The following XK variants were observed in gnomAD, a reference collection of about 807,000 sequenced individuals.
XK encodes the protein endoplasmic reticulum membrane adapter protein XK.
A neutral mutation model predicts 14.0 loss-of-function variants in XK; 2 were observed. The ratio of observed to expected loss-of-function variants is 0.14; its 90% confidence interval spans 0.06 to 0.45. The LOEUF (loss-of-function observed/expected upper bound fraction) is 0.45, where lower values mean the gene tolerates loss of function less well. Ranked by LOEUF, XK falls within the 20% of genes least tolerant of loss-of-function variation. XK has a pLI of 0.98. For synonymous variants in XK, 149 were observed against 147.5 expected (o/e 1.01, Z -0.08); for missense variants, 235 against 341.5 (o/e 0.69, Z 2.46).
At chrX:37,690,613 C>T (rs1301075811) in intron 1 of XK, among the ~76,000 whole-genome samples, 1 of 111,709 alleles carries the variant, frequency 9.0e-6, no homozygotes, top group Non-Finnish European at 1.9e-5. Flanking sequence ...GGCCTAATAC[C>T]CCCATCACCT....
chrX:37,720,253 T>G (rs1281748006), intron 2 of XK, among the ~76,000 whole-genome samples: 1 of 111,303 alleles, frequency 9.0e-6, no homozygotes, highest in East Asian at 2.8e-4. Context: ...CGAGAGATTT[T>G]TTTTTTCTTT....
rs1927063580 is a variant in XK, at chrX:37,686,061, C to T, written c.100C>T (p.Arg34Cys). The T allele has an allele frequency of 3.3e-6, 4 of 1,210,965 alleles. No homozygotes were observed. The highest frequency in any genetic ancestry group is 4.5e-6 in the Non-Finnish European group (4 of 895,358). ...CAGCACCTACCGCTCGGGCGGGGAC[C>T]GCATGTGGCAGGCGCTGACGTTGCT... ...LSSTYRSGGD[R>C]MWQALTLLFS... The change falls in exon 1 of 3, where the codon CGC becomes TGC. Residue 34 changes from arginine to cysteine, a missense_variant. Arg to Cys is a radical substitution (Grantham distance 180). Coordinates refer to ENST00000378616, the MANE Select transcript of XK (RefSeq NM_021083.4).
intron 1 of XK, among the ~76,000 whole-genome samples, chrX:37,690,312 A>G (rs573509887): frequency 1.8e-5 from 2 of 112,095 alleles, no homozygotes; most frequent in South Asian, 3.7e-4. Context: ...AGCATTTTCT[A>G]TTTAACCAAT....
chrX:37,722,260 G>T (rs782554526), intron 2 of XK, among the ~76,000 whole-genome samples: 1 of 111,401 alleles, frequency 9.0e-6, no homozygotes, highest in Non-Finnish European at 1.9e-5. Context: ...CATCTATCAC[G>T]TCTTCAACAA....
rs1556440171 is a variant in XK at position 37,686,210 on chromosome X, C to T, written c.245+4C>T. ...TGCAACTTGGGCCCCTTTTCAGGTG[C>T]GTGCAGAAGCCCAGAGCCAGCCCCA... On this transcript the variant is annotated splice_donor_region_variant and intron_variant, in intron 1 of 2. Transcript: ENST00000378616. 8.3e-7 allele frequency: 1 copy of T among 1,206,222 alleles called. No homozygotes were observed.
intron 2 of XK, among the ~76,000 whole-genome samples, chrX:37,710,041 A>T (rs782240562): frequency 2.7e-5 from 3 of 112,428 alleles, no homozygotes; most frequent in African/African-American, 9.7e-5. Context: ...ATAAACTAAC[A>T]AAAAGGATGA....
chrX:37,690,959 G>A (rs1048835892), intron 1 of XK, among the ~76,000 whole-genome samples: 3 of 112,117 alleles, frequency 2.7e-5, no homozygotes, highest in African/African-American at 9.7e-5. Context: ...TCCAAGAATA[G>A]TAGTTTGTTT....
rs1366443425 is a variant in XK, at chrX:37,705,492, G to A, written c.508+10944G>A. ...AACTTAAAAGAGAAAGTTGTGACTA[G>A]ATAGTTTTAGAAATCTACTGAAATG... On this transcript the variant is annotated intron_variant, in intron 2 of 2. Transcript: ENST00000378616. Among the ~76,000 whole-genome samples, 12 of 109,202 alleles carry A rather than the reference G, an allele frequency of 1.1e-4. No homozygotes were observed. The Admixed American group carries it at 1.2e-3, about 11-fold the overall frequency. The allele number at this position is 109,202 out of a possible 115,157, so 94.8% of individuals were successfully genotyped here. A position where few individuals can be genotyped will look rare whatever the true frequency, so the allele number is the denominator to read the frequency against.
chrX:37,694,262 T>G (rs1556442118), intron 1 of XK, 24 bp from the exon 2 acceptor site: 2 of 1,210,325 alleles, frequency 1.7e-6, no homozygotes, highest in Non-Finnish European at 2.2e-6. Context: ...CTCTAATTAT[T>G]ATGATTTCCT....
rs1556450827 is a variant in XK at position 37,730,257 on chromosome X, T to C, written c.*1795T>C. 1 of 112,187 alleles carries C rather than the reference T, an allele frequency of 8.9e-6. No individual in the cohort carries two copies. 9.2% of individuals were successfully genotyped at this position (112,187 alleles called of 1,213,427 possible). Reference sequence around the variant, plus strand: ...TGCACTATTCTTAATAGGCCTAAAATAGTGAGCATATATAATCAAAATAAT... The same window carrying C: ...TGCACTATTCTTAATAGGCCTAAAACAGTGAGCATATATAATCAAAATAAT... On this transcript the variant is annotated 3_prime_UTR_variant, in exon 3 of 3. Transcript: ENST00000378616.
Position 37,705,377 on chromosome X carries a change from G to A in XK, c.508+10829G>A, listed in dbSNP as rs782488259. On this transcript the variant is annotated intron_variant, in intron 2 of 2. Transcript: ENST00000378616. ...TGAGGCAGGAGAATGGCGTGAACCC[G>A]GGAGGTGGAGCTTGCAGTGAGCCGA... 6.2e-4 allele frequency among the ~76,000 whole-genome samples: 68 copies of A among 109,952 alleles called. No individual in the cohort carries two copies. In the East Asian group the frequency reaches 0.016, roughly 26 times the overall value.
intron 2 of XK, among the ~76,000 whole-genome samples, chrX:37,699,386 A>T (rs1556443201): frequency 1.8e-5 from 2 of 112,496 alleles, no homozygotes; most frequent in Non-Finnish European, 3.8e-5. Context: ...TAAAGATTCT[A>T]TTTAACTCAT....
At chrX:37,724,968 T>C (rs1556449737) in intron 2 of XK, among the ~76,000 whole-genome samples, 2 of 111,683 alleles carry the variant, frequency 1.8e-5, no homozygotes, top group African/African-American at 6.5e-5. Flanking sequence ...TATATACCTA[T>C]TGGAATGGAA....
chrX:37,714,263 T>C (rs1556447319), intron 2 of XK, among the ~76,000 whole-genome samples: 7 of 111,593 alleles, frequency 6.3e-5, no homozygotes, highest in Non-Finnish European at 1.3e-4. Flanking sequence ...AGTGGAGCTG[T>C]CAGTATTCAA....
At chrX:37,709,894 G>A (rs1927627234) in intron 2 of XK, among the ~76,000 whole-genome samples, 1 of 111,767 alleles carries the variant, frequency 8.9e-6, no homozygotes, top group African/African-American at 3.3e-5. Context: ...GAGAAATAGA[G>A]TTTGTAGCTT....
chrX:37,726,894 C>T (rs1927985143), intron 2 of XK, among the ~76,000 whole-genome samples: 1 of 111,751 alleles, frequency 8.9e-6, no homozygotes, highest in East Asian at 2.8e-4. Context: ...TTTAAAAGAT[C>T]CTGCAGATAT....
intron 1 of XK, among the ~76,000 whole-genome samples, chrX:37,691,899 G>A (rs1360332458): frequency 1.8e-5 from 2 of 111,332 alleles, no homozygotes; most frequent in African/African-American, 3.3e-5. Flanking sequence ...GCTCAGGAGT[G>A]AGGGTCCCTT....
rs140588100 is a variant in XK, at chrX:37,711,479, T to C, written c.509-16157T>C. Among the ~76,000 whole-genome samples the C allele has an allele frequency of 1.9e-4, 21 of 112,777 alleles. No individual in the cohort carries two copies. The East Asian group carries it at 5.6e-3, about 30-fold the overall frequency. ...CCAAACTAAGGGAGATGGTAGTTGA[T>C]GGATAAGACTTCAGCCTCTCTGTCC... On this transcript the variant is annotated intron_variant, in intron 2 of 2. Coordinates refer to ENST00000378616, the MANE Select transcript of XK (RefSeq NM_021083.4).
chrX:37,686,530 T>C (rs782731218), intron 1 of XK, among the ~76,000 whole-genome samples: 1 of 112,293 alleles, frequency 8.9e-6, no homozygotes, highest in South Asian at 3.8e-4. Flanking sequence ...TGGGGTCAAG[T>C]AGGCTCTGAC....
Sources: allele counts gnomAD v4.1 joint callset (sites outside exome capture counted in the v4.1 genomes callset), GRCh38; gene constraint gnomAD v4.1.1; transcripts MANE v1.5; gene names NCBI Gene and HGNC (gene_info 2026-07-23, HGNC 2026-07-21).